Variants in CACNA1E observed in about 807,000 individuals in gnomAD.
CACNA1E encodes the protein voltage-dependent R-type calcium channel subunit alpha-1E.
In CACNA1E, 40 loss-of-function variants were observed where a neutral mutation model predicts 259.2. The ratio of observed to expected loss-of-function variants is 0.15; its 90% CI spans 0.12 to 0.20. CACNA1E has a LOEUF of 0.20. Among genes scored for constraint, CACNA1E ranks in the 10% least tolerant of loss-of-function variants. The pLI, the probability that CACNA1E is intolerant of heterozygous loss-of-function variation, is 1.00. For missense variants in CACNA1E, 1,874 were observed against 3,040.1 expected (o/e 0.62, Z 9.02); for synonymous variants, 1,104 against 1,138.5 (o/e 0.97, Z 0.61).
chr1:181,490,602 A>C (rs1048554494), intron 1 of CACNA1E, among the ~76,000 whole-genome samples: 2 of 146,390 alleles, frequency 1.4e-5, no homozygotes, highest in Admixed American at 1.4e-4. Context: ...GCAACTCTGC[A>C]TAATCTTGAG....
At chr1:181,643,652 G>C (rs1430316026) in intron 6 of CACNA1E, among the ~76,000 whole-genome samples, 1 of 152,180 alleles carries the variant, frequency 6.6e-6, no homozygotes. Context: ...GTTGGGTGGA[G>C]GAGTGTTTCT....
At chr1:181,376,914 G>T (rs994801078) in intron 1 of CACNA1E, among the ~76,000 whole-genome samples, 1 of 152,176 alleles carries the variant, frequency 6.6e-6, no homozygotes. Flanking sequence ...GCTGTTTTCA[G>T]CTCAGCTCCT....
At chr1:181,354,700 C>T (rs1320058853) in intron 1 of CACNA1E, among the ~76,000 whole-genome samples, 1 of 151,872 alleles carries the variant, frequency 6.6e-6, no homozygotes, top group African/African-American at 2.4e-5. Context: ...TGGAGGGAGA[C>T]AGGGAAAAGG....
At chr1:181,329,351 C>T (rs760638063) in intron 1 of CACNA1E, among the ~76,000 whole-genome samples, 1 of 152,146 alleles carries the variant, frequency 6.6e-6, no homozygotes, top group Non-Finnish European at 1.5e-5. Flanking sequence ...CACAAGGAAG[C>T]CTGCATGATC....
intron 2 of CACNA1E, among the ~76,000 whole-genome samples, chr1:181,474,132 ATTAT>A (rs1308825922): frequency 9.6e-6 from 1 of 104,198 alleles, no homozygotes; most frequent in African/African-American, 5.3e-5. Flanking sequence ...GAAAATAGAG[ATTAT>A]TTAAACAAAG....
intron 1 of CACNA1E, among the ~76,000 whole-genome samples, chr1:181,392,887 G>A (rs1327767902): frequency 6.6e-6 from 1 of 152,176 alleles, no homozygotes. Context: ...TGTGATATTG[G>A]CAATTTTGAA....
chr1:181,695,714 C>A (rs1029994916), intron 7 of CACNA1E, among the ~76,000 whole-genome samples: 1 of 152,302 alleles, frequency 6.6e-6, no homozygotes, highest in Non-Finnish European at 1.5e-5. Context: ...TGTAATCCCA[C>A]TTTGGGAGGC....
At chr1:181,739,890 T>C (rs1056007852) in intron 25 of CACNA1E, among the ~76,000 whole-genome samples, 2 of 152,234 alleles carry the variant, frequency 1.3e-5, no homozygotes, top group African/African-American at 2.4e-5. Flanking sequence ...TGGGATTTTT[T>C]TCCCCCCTGC....
At chr1:181,318,073 C>G (rs934825353) in exon 1 of CACNA1E, 3 of 146,802 alleles carry the variant, frequency 2.0e-5, no homozygotes, top group African/African-American at 7.4e-5. Context: ...CTCGGGAATA[C>G]TAGCACACCC....
At position 181,631,439 on chromosome 1, in the gene CACNA1E, T is replaced by C. The variant is rs1656727294; in HGVS notation, c.952-19899T>C. The stretch of plus-strand genomic sequence containing the variant: ...TTGCAGTTTTCAGTCTCTCTGAATA[T>C]ATCTTAAGTTGCCTGATACCAGAGG... On this transcript the variant is annotated intron_variant, in intron 6 of 47. Transcript: ENST00000367573. Among the ~76,000 whole-genome samples, 6 of 152,208 alleles carry C rather than the reference T, an allele frequency of 3.9e-5. No individual in the cohort carries two copies. In the South Asian group the frequency reaches 1.2e-3, roughly 32 times the overall value.
At chr1:181,654,833 A>G (rs1267554680) in intron 7 of CACNA1E, among the ~76,000 whole-genome samples, 4 of 151,974 alleles carry the variant, frequency 2.6e-5, no homozygotes, top group Admixed American at 2.6e-4. Flanking sequence ...AAATACAAAA[A>G]ATTAGCCGGG....
intron 6 of CACNA1E, among the ~76,000 whole-genome samples, chr1:181,637,095 T>A (rs954683848): frequency 6.6e-6 from 1 of 152,234 alleles, no homozygotes; most frequent in Non-Finnish European, 1.5e-5. Flanking sequence ...TCATGTTGAG[T>A]CAGGTCTCTC....
chr1:181,586,857 G>A (rs1244855485), intron 6 of CACNA1E, among the ~76,000 whole-genome samples: 3 of 152,192 alleles, frequency 2.0e-5, no homozygotes. Context: ...GAGTGGAGTA[G>A]GAAGGATTTC....
chr1:181,774,121 C>T (rs999500876), intron 37 of CACNA1E, among the ~76,000 whole-genome samples: 1 of 152,200 alleles, frequency 6.6e-6, no homozygotes, highest in Non-Finnish European at 1.5e-5. Context: ...GTAATTAAAC[C>T]TGCCTCACAA....
chr1:181,795,051 A>C lies in CACNA1E; in HGVS notation c.6208+7A>C. The C allele has an allele frequency of 6.2e-7, 1 of 1,612,152 alleles. No individual in the cohort carries two copies. The highest frequency in any genetic ancestry group is 1.3e-5 in the African/African-American group (1 of 75,032). ...CGCCTGAACTCTGATTCAGGTGAGG[A>C]GGTCTTCAGTGTCCAGCTCTTTCAT... On this transcript the variant is annotated splice_region_variant and intron_variant, in intron 46 of 47. Transcript: ENST00000367573.
intron 5 of CACNA1E, 72 bp from the exon 6 acceptor site, chr1:181,580,523 C>A: frequency 6.8e-7 from 1 of 1,461,982 alleles, no homozygotes; most frequent in Non-Finnish European, 9.6e-7. Flanking sequence ...TTGCCTATGG[C>A]TTCCTGGGGT....
chr1:181,763,670 T>A, intron 34 of CACNA1E, 139 bp downstream of exon 34: 1 of 523,592 alleles, frequency 1.9e-6, no homozygotes, highest in Non-Finnish European at 3.2e-6. Flanking sequence ...AAGCATTCAG[T>A]AAATACTGCA....
chr1:181,555,944 T>G (rs1648673494), intron 3 of CACNA1E, among the ~76,000 whole-genome samples: 1 of 152,168 alleles, frequency 6.6e-6, no homozygotes, highest in Non-Finnish European at 1.5e-5. Context: ...ATCTTTATTC[T>G]TTAAACTCTA....
At chr1:181,637,039 G>A (rs1657277573) in intron 6 of CACNA1E, among the ~76,000 whole-genome samples, 1 of 152,218 alleles carries the variant, frequency 6.6e-6, no homozygotes, top group Non-Finnish European at 1.5e-5. Flanking sequence ...CAGGGAGAGA[G>A]TTTCCCAATC....
Sources: allele counts gnomAD v4.1 joint callset (sites outside exome capture counted in the v4.1 genomes callset), GRCh38; gene constraint gnomAD v4.1.1; transcripts MANE v1.5; gene names NCBI Gene and HGNC (gene_info 2026-07-23, HGNC 2026-07-21).